The following CCDC171 variants were observed in gnomAD, a reference collection of about 807,000 sequenced individuals.
The protein encoded by CCDC171 is coiled-coil domain containing 171.
A neutral mutation model predicts 168.2 loss-of-function variants in CCDC171; 177 were observed. The observed-to-expected ratio is 1.05, with a 90% CI of 0.93 to 1.19. The LOEUF is 1.19. Ranked by LOEUF, CCDC171 falls within the 50% of genes most tolerant of loss-of-function variation. CCDC171 has a pLI of 0.00. For missense variants in CCDC171, 1,991 were observed against 1,539.0 expected, an observed-to-expected ratio of 1.29 and a Z score of -4.91; for synonymous variants, 687 against 540.8, an observed-to-expected ratio of 1.27 and a Z score of -3.75.
intron 11 of CCDC171, among the ~76,000 whole-genome samples, chr9:15,720,942 G>C (rs935765605): frequency 9.9e-5 from 15 of 152,090 alleles, no homozygotes; most frequent in Admixed American, 8.5e-4. Context: ...TGCAGTGTTT[G>C]GTTTTTTGTC....
Position 15,821,884 on chromosome 9 carries a change from T to TA in CCDC171, c.3268-24816dup, listed in dbSNP as rs568571415. ...AGAGCCCGCATCGCCAAGTCAATCCTAAGCCAAAAGAACAAAGCTGGAGGC... is the reference window on the plus strand; with the variant it reads ...AGAGCCCGCATCGCCAAGTCAATCCTAAAGCCAAAAGAACAAAGCTGGAGGC... On this transcript the variant is annotated intron_variant, in intron 21 of 25. Transcript: ENST00000380701. 2.3e-3 allele frequency among the ~76,000 whole-genome samples: 329 copies of TA among 140,832 alleles called. 80 individuals are homozygous for TA. The highest frequency in any genetic ancestry group is 8.1e-3 in the African/African-American group (307 of 37,704). 92.4% of individuals were successfully genotyped at this position (140,832 alleles called of 152,430 possible).
the CCDC171 span, among the ~76,000 whole-genome samples, chr9:16,072,925 T>A: frequency 6.6e-6 from 1 of 152,218 alleles, no homozygotes; most frequent in African/African-American, 2.4e-5. Context: ...TTGTTATTCC[T>A]GCTATTTCTT....
chr9:15,716,580 A>G (rs2053102214), intron 11 of CCDC171, among the ~76,000 whole-genome samples: 1 of 152,078 alleles, frequency 6.6e-6, no homozygotes, highest in Non-Finnish European at 1.5e-5. Flanking sequence ...AATGCCTGAG[A>G]CTGGGTAATT....
intron 11 of CCDC171, among the ~76,000 whole-genome samples, chr9:15,700,313 C>A (rs1221742197): frequency 6.6e-6 from 1 of 152,238 alleles, no homozygotes; most frequent in Non-Finnish European, 1.5e-5. Context: ...CCGGGGCTGG[C>A]AGGGCCGGCC....
chr9:15,590,438 TA>T (rs1175376723), intron 4 of CCDC171, among the ~76,000 whole-genome samples: 3 of 152,238 alleles, frequency 2.0e-5, no homozygotes, highest in Non-Finnish European at 4.4e-5. Context: ...GGAGGTTTAA[TA>T]AGTGGCAGGT....
At chr9:15,874,753 G>T in intron 24 of CCDC171, 90 bp downstream of exon 24, 1 of 1,262,816 alleles carries the variant, frequency 7.9e-7, no homozygotes, top group Non-Finnish European at 1.1e-6. Flanking sequence ...AAAGTATTGT[G>T]AATAATTTAA....
At chr9:15,718,229 CA>C (rs1415044343) in intron 11 of CCDC171, among the ~76,000 whole-genome samples, 1 of 152,176 alleles carries the variant, frequency 6.6e-6, no homozygotes. Flanking sequence ...CAGTGGTGGC[CA>C]GGGGGAGAGA....
chr9:15,807,859 C>T (rs1349776945), intron 21 of CCDC171, among the ~76,000 whole-genome samples: 1 of 151,104 alleles, frequency 6.6e-6, no homozygotes, highest in East Asian at 1.9e-4. Context: ...TGGAATCTTC[C>T]TTCTTGCTCC....
intron 3 of CCDC171, chr9:16,020,496 GA>G (rs1833134022): frequency 6.5e-6 from 1 of 154,208 alleles, no homozygotes; most frequent in African/African-American, 2.4e-5. Flanking sequence ...TACAGCATAT[GA>G]TTTTTTTCTT....
intron 14 of CCDC171, 133 bp from the exon 15 acceptor site, chr9:15,727,736 A>G (rs1480208424): frequency 1.7e-6 from 1 of 599,808 alleles, no homozygotes; most frequent in Non-Finnish European, 2.6e-6. Context: ...AAAGTCATTA[A>G]AATATTCTGA....
At chr9:15,570,615 A>G (rs1176235000) in intron 2 of CCDC171, among the ~76,000 whole-genome samples, 1 of 152,130 alleles carries the variant, frequency 6.6e-6, no homozygotes, top group Non-Finnish European at 1.5e-5. Flanking sequence ...GTAGGGTTAT[A>G]TGGTTAAGCT....
At chr9:15,616,276 A>T (rs1194864727) in intron 6 of CCDC171, among the ~76,000 whole-genome samples, 1 of 151,572 alleles carries the variant, frequency 6.6e-6, no homozygotes, top group South Asian at 2.1e-4. Flanking sequence ...TTTAGGGATG[A>T]TGTTTTGCCA....
At chr9:16,095,946 A>C in the CCDC171 span, among the ~76,000 whole-genome samples, 2 of 149,382 alleles carry the variant, frequency 1.3e-5, no homozygotes, top group Middle Eastern at 3.5e-3. Context: ...GTCTATATAT[A>C]ATATCTAGTG....
intron 9 of CCDC171, among the ~76,000 whole-genome samples, chr9:15,673,969 G>T (rs1368623813): frequency 6.6e-6 from 1 of 151,992 alleles, no homozygotes; most frequent in East Asian, 1.9e-4. Context: ...CTGTGAATCT[G>T]TGCAGTGCTG....
At chr9:15,706,269 C>CT (rs1466244504) in intron 11 of CCDC171, among the ~76,000 whole-genome samples, 3 of 151,036 alleles carry the variant, frequency 2.0e-5, no homozygotes, top group African/African-American at 7.3e-5. Context: ...TCCTTCCTTC[C>CT]TTTCTTCCTT....
At chr9:15,896,186 G>A (rs1169543507) in intron 24 of CCDC171, among the ~76,000 whole-genome samples, 1 of 151,864 alleles carries the variant, frequency 6.6e-6, no homozygotes, top group Non-Finnish European at 1.5e-5. Context: ...CCTTGATTCA[G>A]TTCTACTTGG....
intron 23 of CCDC171, among the ~76,000 whole-genome samples, chr9:15,865,422 T>G (rs1044744215): frequency 1.1e-4 from 17 of 151,414 alleles, no homozygotes; most frequent in Admixed American, 8.6e-4. Context: ...AGTTGACCCT[T>G]GAACACATGG....
At position 15,744,718 on chromosome 9, in the gene CCDC171, A is replaced by G; in HGVS notation, c.2495A>G (p.Lys832Arg). 6.2e-7 allele frequency: 1 copy of G among 1,614,104 alleles called. No individual in the cohort carries two copies. Among genetic ancestry groups the G allele is most frequent in the Admixed American group, 1.7e-5 (1 of 60,012 alleles). The part of the protein sequence containing the change: ...ASLFTWMESF[K>R]EGIGMLVCTG... ...CTTTTTACCTGGATGGAGAGTTTCA[A>G]AGAAGGCATAGGCATGTTAGTGTGC... Residue 832 changes from lysine to arginine, a missense_variant, in exon 17 of 26, where the codon AAA (lysine) becomes AGA (arginine). Coordinates refer to ENST00000380701, the MANE Select transcript of CCDC171 (RefSeq NM_173550.4).
chr9:16,071,099 GAGA>G, the CCDC171 span, among the ~76,000 whole-genome samples: 3 of 152,212 alleles, frequency 2.0e-5, no homozygotes, highest in African/African-American at 7.2e-5. Context: ...CCGTCACAGT[GAGA>G]GAGGCTGTGC....
Sources: allele counts gnomAD v4.1 joint callset (sites outside exome capture counted in the v4.1 genomes callset), GRCh38; gene constraint gnomAD v4.1.1; transcripts MANE v1.5; gene names NCBI Gene and HGNC (gene_info 2026-07-23, HGNC 2026-07-21).